The following TMEM135 variants were observed in gnomAD, a reference collection of about 807,000 sequenced individuals.
The protein encoded by TMEM135 is transmembrane protein 135.
In TMEM135, 30 loss-of-function variants were observed where a neutral mutation model predicts 60.3. The observed-to-expected ratio is 0.50, with a 90% CI of 0.37 to 0.68. TMEM135 has a LOEUF of 0.68. TMEM135 is among the 30% of genes least tolerant of loss of function. The probability of loss-of-function intolerance (pLI) is 0.00; values close to 1 mark genes in which losing one functional copy is unlikely to be tolerated. For synonymous variants in TMEM135, 190 were observed against 186.7 expected (o/e 1.02, Z -0.14); for missense variants, 468 against 548.8 (o/e 0.85, Z 1.47).
At chr11:87,229,465 T>G (rs1940840278) in intron 5 of TMEM135, among the ~76,000 whole-genome samples, 1 of 152,130 alleles carries the variant, frequency 6.6e-6, no homozygotes, top group African/African-American at 2.4e-5. Context: ...AACACAGTTT[T>G]TATGGGTATA....
chr11:87,236,370 A>T (rs1275713773), intron 5 of TMEM135, among the ~76,000 whole-genome samples: 1 of 151,978 alleles, frequency 6.6e-6, no homozygotes, highest in African/African-American at 2.4e-5. Flanking sequence ...CTAAAAAAAA[A>T]TTGCAAAAAA....
rs2134541635 is a variant in TMEM135, at chr11:87,321,762, G to C, written c.*429G>C. The C allele has an allele frequency of 2.2e-6, 1 of 454,878 alleles. No homozygotes were observed. The highest frequency in any genetic ancestry group is 6.9e-5 in the East Asian group (1 of 14,408). The allele number at this position is 454,878 out of a possible 1,614,324, so 28.2% of individuals were successfully genotyped here. A position where few individuals can be genotyped will look rare whatever the true frequency, so the allele number is the denominator to read the frequency against. On this transcript the variant is annotated 3_prime_UTR_variant, in exon 15 of 15. Coordinates refer to ENST00000305494, the MANE Select transcript of TMEM135 (RefSeq NM_022918.4). ...CAAAGGATCACGGGTACATGGATTT[G>C]GTCTATATATTTTTTTAAAGTTTTG... is the stretch of plus-strand genomic sequence containing the variant.
Position 87,313,495 on chromosome 11 carries a change from C to T in TMEM135, c.1000+7C>T, listed in dbSNP as rs1942675843. The T allele has an allele frequency of 6.2e-7, 1 of 1,606,556 alleles. No individual in the cohort carries two copies. Among genetic ancestry groups the T allele is most frequent in the Non-Finnish European group, 8.5e-7 (1 of 1,174,366 alleles). ...CTACATGCTATTATAGCTGGTAAAG[C>T]AATAATAAAAATGAATGGTTATTAT... On this transcript the variant is annotated splice_region_variant and intron_variant, in intron 11 of 14. Coordinates refer to ENST00000305494, the MANE Select transcript of TMEM135 (RefSeq NM_022918.4).
intron 5 of TMEM135, among the ~76,000 whole-genome samples, chr11:87,197,064 G>A (rs1177192043): frequency 6.6e-6 from 1 of 151,848 alleles, no homozygotes; most frequent in Non-Finnish European, 1.5e-5. Flanking sequence ...TTCAGATGTA[G>A]GCTATTTTTG....
intron 3 of TMEM135, among the ~76,000 whole-genome samples, chr11:87,075,465 T>C (rs1282814001): frequency 6.6e-6 from 1 of 152,186 alleles, no homozygotes; most frequent in Non-Finnish European, 1.5e-5. Context: ...AATTTTTTAT[T>C]TTTATATTAA....
chr11:87,172,181 G>A (rs1355850368), intron 5 of TMEM135, among the ~76,000 whole-genome samples: 1 of 152,112 alleles, frequency 6.6e-6, no homozygotes, highest in Non-Finnish European at 1.5e-5. Flanking sequence ...CCAGTTTGGG[G>A]CTCCAGTATC....
chr11:87,241,849 TAA>T (rs200030971), intron 6 of TMEM135, among the ~76,000 whole-genome samples: 4 of 136,574 alleles, frequency 2.9e-5, no homozygotes, highest in African/African-American at 5.3e-5. Flanking sequence ...CCTTTTTTTT[TAA>T]AAAAAAATTT....
chr11:87,285,377 T>A (rs1485694927), intron 6 of TMEM135, among the ~76,000 whole-genome samples: 1 of 152,208 alleles, frequency 6.6e-6, no homozygotes, highest in Admixed American at 6.5e-5. Flanking sequence ...GCGGTGAGTG[T>A]TACAGTTCTT....
rs1591057953 is a variant in TMEM135 at position 87,150,372 on chromosome 11, T to C, written c.397-6969T>C. 2.0e-5 allele frequency among the ~76,000 whole-genome samples: 3 copies of C among 152,324 alleles called. No individual in the cohort carries two copies. In the East Asian group the frequency reaches 5.8e-4, roughly 29 times the overall value. The stretch of plus-strand genomic sequence containing the variant: ...CCTTATTTCCTCTGTTGCTTCGTTG[T>C]ATCTAAATTAACTTGCCTACACTGC... On this transcript the variant is annotated intron_variant, in intron 4 of 14. Coordinates refer to ENST00000305494, the MANE Select transcript of TMEM135 (RefSeq NM_022918.4).
chr11:87,132,155 G>A (rs542991128), intron 4 of TMEM135, among the ~76,000 whole-genome samples: 12 of 152,120 alleles, frequency 7.9e-5, no homozygotes, highest in Admixed American at 3.9e-4. Context: ...AACAGTAAAT[G>A]TAATGTGCTT....
At chr11:87,214,810 T>G (rs1465542557) in intron 5 of TMEM135, among the ~76,000 whole-genome samples, 1 of 152,166 alleles carries the variant, frequency 6.6e-6, no homozygotes, top group East Asian at 1.9e-4. Context: ...AAGTTCTTAA[T>G]AAAGTATAGA....
chr11:87,175,196 A>G (rs1050426834), intron 5 of TMEM135, among the ~76,000 whole-genome samples: 5 of 152,176 alleles, frequency 3.3e-5, no homozygotes, highest in African/African-American at 1.2e-4. Context: ...AACATATTAT[A>G]TTTTGGCAGG....
At chr11:87,074,197 C>A (rs1385753350) in intron 3 of TMEM135, among the ~76,000 whole-genome samples, 1 of 152,172 alleles carries the variant, frequency 6.6e-6, no homozygotes, top group Non-Finnish European at 1.5e-5. Context: ...AACTCCCAAC[C>A]TCAGGTGATC....
chr11:87,106,291 A>G (rs1380013812), intron 4 of TMEM135, among the ~76,000 whole-genome samples: 2 of 152,022 alleles, frequency 1.3e-5, no homozygotes, highest in African/African-American at 2.4e-5. Context: ...TTTAGTAGAG[A>G]TGGGGTTTCA....
intron 5 of TMEM135, among the ~76,000 whole-genome samples, chr11:87,188,704 C>CA (rs11374133): frequency 0.53 from 77,802 of 146,360 alleles, 22,179 homozygotes; most frequent in Non-Finnish European, 0.66. Flanking sequence ...AACTCAGTCT[C>CA]AAAAAAAAAA....
intron 1 of TMEM135, among the ~76,000 whole-genome samples, chr11:87,043,464 G>A (rs956845728): frequency 2.6e-5 from 4 of 151,854 alleles, no homozygotes; most frequent in South Asian, 2.1e-4. Context: ...GGTGTCTGAC[G>A]CCTGTAATCC....
chr11:87,153,340 T>C lies in TMEM135; in HGVS notation c.397-4001T>C, dbSNP rs11234994. Among the ~76,000 whole-genome samples the C allele has an allele frequency of 9.5e-3, 1,454 of 152,332 alleles. 14 individuals are homozygous for C. The highest frequency in any genetic ancestry group is 0.016 in the Non-Finnish European group (1,117 of 68,028). ...CAAGTATGATCCTACCTACAGGCTC[T>C]TGTGGTCTTTTGACTAGAACCTTCT... On this transcript the variant is annotated intron_variant, in intron 4 of 14. Coordinates refer to ENST00000305494, the MANE Select transcript of TMEM135 (RefSeq NM_022918.4).
chr11:87,251,485 G>A (rs1224933976), intron 6 of TMEM135, among the ~76,000 whole-genome samples: 1 of 152,130 alleles, frequency 6.6e-6, no homozygotes, highest in Non-Finnish European at 1.5e-5. Flanking sequence ...TATGAAAAGT[G>A]TAAATTAACA....
At chr11:87,291,947 T>C in intron 6 of TMEM135, among the ~76,000 whole-genome samples, 1 of 152,178 alleles carries the variant, frequency 6.6e-6, no homozygotes, top group East Asian at 1.9e-4. Flanking sequence ...TGTAGACCAC[T>C]CCCTCTCTCC....
Sources: allele counts gnomAD v4.1 joint callset (sites outside exome capture counted in the v4.1 genomes callset), GRCh38; gene constraint gnomAD v4.1.1; transcripts MANE v1.5; gene names NCBI Gene and HGNC (gene_info 2026-07-23, HGNC 2026-07-21).